The following GRB14 variants were observed in gnomAD, a reference collection of about 807,000 sequenced individuals.
GRB14 encodes growth factor receptor bound protein 14.
Under a neutral mutation model 69.1 loss-of-function variants are expected in GRB14, and 38 were observed. That is an observed-to-expected ratio of 0.55 (90% confidence interval 0.42 to 0.72). GRB14 has a LOEUF of 0.72. GRB14 is among the 30% of genes least tolerant of loss of function. GRB14 has a pLI of 0.00. For synonymous variants in GRB14, 247 were observed against 241.3 expected, an observed-to-expected ratio of 1.02 and a Z score of -0.22; for missense variants, 666 against 666.1, an observed-to-expected ratio of 1.00 and a Z score of 0.00.
intron 2 of GRB14, among the ~76,000 whole-genome samples, chr2:164,618,068 G>A (rs1690348577): frequency 6.6e-6 from 1 of 151,660 alleles, no homozygotes; most frequent in South Asian, 2.1e-4. Flanking sequence ...CTGGGTTCAA[G>A]CGATTCTCCT....
Position 164,621,046 on chromosome 2 carries a change from CT to C in GRB14, c.191+72del, listed in dbSNP as rs1690446513. The C allele has an allele frequency of 1.7e-6, 2 of 1,204,050 alleles. No homozygotes were observed. The highest frequency in any genetic ancestry group is 3.1e-5 in the African/African-American group (2 of 63,526). 74.6% of individuals were successfully genotyped at this position (1,204,050 alleles called of 1,614,324 possible). On this transcript the variant is annotated intron_variant, in intron 1 of 13. Coordinates refer to ENST00000263915, the MANE Select transcript of GRB14 (RefSeq NM_004490.3). The surrounding 1 kb of genome is among the most constrained non-coding windows in gnomAD (Gnocchi z 6.0). ...CAGCTCTGGGCACATGGCTCACCCCCTAGGACCGCCTCCTCACCCCCTCGCC... is the reference window on the plus strand; with the variant it reads ...CAGCTCTGGGCACATGGCTCACCCCCAGGACCGCCTCCTCACCCCCTCGCC...
intron 3 of GRB14, among the ~76,000 whole-genome samples, chr2:164,531,691 G>A (rs774195917): frequency 3.3e-5 from 5 of 152,152 alleles, no homozygotes; most frequent in Non-Finnish European, 7.3e-5. Flanking sequence ...CTGGTGGAGT[G>A]GATGGAGACT....
chr2:164,493,269 C>A, intron 13 of GRB14, 87 bp from the exon 14 acceptor site: 2 of 1,198,542 alleles, frequency 1.7e-6, no homozygotes, highest in Non-Finnish European at 2.3e-6. Flanking sequence ...CTCCACATGC[C>A]AAAACTGCCA....
At chr2:164,534,715 T>A (rs1688035937) in intron 3 of GRB14, among the ~76,000 whole-genome samples, 1 of 152,200 alleles carries the variant, frequency 6.6e-6, no homozygotes, top group South Asian at 2.1e-4. Context: ...TCCTACTAAG[T>A]TATTTATCAT....
intron 12 of GRB14, among the ~76,000 whole-genome samples, chr2:164,495,085 G>T (rs1017956860): frequency 6.6e-6 from 1 of 151,966 alleles, no homozygotes; most frequent in Non-Finnish European, 1.5e-5. Flanking sequence ...GGGACTACAG[G>T]CACATGCCAC....
At chr2:164,550,956 A>G (rs1470396720) in intron 2 of GRB14, among the ~76,000 whole-genome samples, 1 of 152,072 alleles carries the variant, frequency 6.6e-6, no homozygotes, top group Non-Finnish European at 1.5e-5. Context: ...TGGTAGCTCC[A>G]CCTTCAGCTC....
At chr2:164,546,254 C>T (rs910233449) in intron 3 of GRB14, among the ~76,000 whole-genome samples, 10 of 152,168 alleles carry the variant, frequency 6.6e-5, no homozygotes, top group Non-Finnish European at 1.2e-4. Flanking sequence ...GCGCTACTTT[C>T]TTTCTCTTGT....
intron 3 of GRB14, among the ~76,000 whole-genome samples, chr2:164,538,763 T>C (rs1363368307): frequency 2.0e-5 from 3 of 152,218 alleles, no homozygotes; most frequent in Non-Finnish European, 4.4e-5. Context: ...TATTATACAA[T>C]TCATGTTTTG....
intron 2 of GRB14, among the ~76,000 whole-genome samples, chr2:164,592,632 A>G (rs567121674): frequency 6.6e-6 from 1 of 152,338 alleles, no homozygotes; most frequent in South Asian, 2.1e-4. Context: ...ATTGTCTGAC[A>G]TTCATGTGCA....
chr2:164,560,521 C>T (rs1688795423), intron 2 of GRB14, among the ~76,000 whole-genome samples: 1 of 152,038 alleles, frequency 6.6e-6, no homozygotes, highest in East Asian at 1.9e-4. Context: ...TCTATTTTTT[C>T]AGAATTAGTA....
At chr2:164,578,611 A>G (rs181268461) in intron 2 of GRB14, among the ~76,000 whole-genome samples, 6 of 152,240 alleles carry the variant, frequency 3.9e-5, no homozygotes, top group Non-Finnish European at 8.8e-5. Context: ...CGAGAAACAT[A>G]CATTAACATA....
At position 164,560,016 on chromosome 2, in the gene GRB14, A is replaced by G. The variant is rs149837919; in HGVS notation, c.325-12200T>C. ...TAAAGGTTAGAAGGGTTCCTGGAGA[A>G]CATCCACTGAAATCCTCCCATTTCA... On this transcript the variant is annotated intron_variant, in intron 2 of 13. Coordinates refer to ENST00000263915, the MANE Select transcript of GRB14 (RefSeq NM_004490.3). Among the ~76,000 whole-genome samples the G allele has an allele frequency of 6.4e-3, 975 of 152,338 alleles. 8 individuals carry two copies. The highest frequency in any genetic ancestry group is 0.022 in the African/African-American group (930 of 41,578).
At chr2:164,516,140 A>G (rs1687479519) in intron 6 of GRB14, among the ~76,000 whole-genome samples, 1 of 152,128 alleles carries the variant, frequency 6.6e-6, no homozygotes, top group South Asian at 2.1e-4. Context: ...TGGAAAACAT[A>G]TTTGAGGGAA....
At chr2:164,602,560 A>G (rs1486113603) in intron 2 of GRB14, among the ~76,000 whole-genome samples, 1 of 152,230 alleles carries the variant, frequency 6.6e-6, no homozygotes, top group African/African-American at 2.4e-5. Flanking sequence ...TAATGAGCTC[A>G]CTATCATTGA....
intron 3 of GRB14, among the ~76,000 whole-genome samples, chr2:164,539,163 A>G (rs1688165256): frequency 6.6e-6 from 1 of 152,198 alleles, no homozygotes; most frequent in South Asian, 2.1e-4. Context: ...GCTATCACAC[A>G]TATGCATTTA....
intron 8 of GRB14, among the ~76,000 whole-genome samples, chr2:164,504,152 A>G (rs1480119358): frequency 6.6e-6 from 1 of 152,062 alleles, no homozygotes; most frequent in Non-Finnish European, 1.5e-5. Flanking sequence ...GAGAGTCTCC[A>G]TCTGATCCAT....
In GRB14 at chr2:164,501,053, T is replaced by C. The variant is rs138784423; in HGVS notation, c.1104+1202A>G. ...GAAAGGATTAATATAATAAAATTCA[T>C]TATTATTTTTATATACATATGAATT... On this transcript the variant is annotated intron_variant, in intron 9 of 13. Transcript: ENST00000263915. 8.1e-4 allele frequency among the ~76,000 whole-genome samples: 123 copies of C among 152,188 alleles called. 1 individual carries two copies. In the East Asian group the frequency reaches 0.022, roughly 27 times the overall value.
chr2:164,497,142 G>A, intron 11 of GRB14, 47 bp from the exon 12 acceptor site: 4 of 1,594,056 alleles, frequency 2.5e-6, no homozygotes, highest in African/African-American at 1.3e-5. Flanking sequence ...TGAGATGACT[G>A]CAATTTCATT....
chr2:164,511,020 G>T (rs1032441847), intron 6 of GRB14, among the ~76,000 whole-genome samples: 9 of 152,112 alleles, frequency 5.9e-5, no homozygotes, highest in Non-Finnish European at 1.2e-4. Flanking sequence ...AAGCAAAACC[G>T]AACTGAACTC....
Sources: gnomAD v4.1 joint callset for allele counts (sites outside exome capture counted in the v4.1 genomes callset) on GRCh38, gnomAD v4.1.1 for gene constraint, Gnocchi (gnomAD v3.1) non-coding constraint, MANE v1.5 for transcripts, NCBI Gene and HGNC (gene_info 2026-07-23, HGNC 2026-07-21) for gene names.